Variants in UBE2F observed in about 807,000 individuals in gnomAD.
The protein encoded by UBE2F is ubiquitin conjugating enzyme E2 F (putative), also known as NEDD8-conjugating enzyme UBE2F.
In UBE2F, 5 loss-of-function variants were observed where a neutral mutation model predicts 29.6. That is an observed-to-expected ratio of 0.17 (90% CI 0.09 to 0.36). UBE2F has a LOEUF of 0.36. Among genes scored for constraint, UBE2F ranks in the 10% least tolerant of loss-of-function variants. The pLI is 1.00. For missense variants in UBE2F, 141 were observed against 228.5 expected (o/e 0.62, Z 2.47); for synonymous variants, 66 against 81.8 (o/e 0.81, Z 1.04).
intron 5 of UBE2F, among the ~76,000 whole-genome samples, chr2:238,024,538 C>G (rs553585644): frequency 2.6e-5 from 4 of 152,012 alleles, no homozygotes; most frequent in African/African-American, 9.7e-5. Flanking sequence ...GAGACAGGGT[C>G]TTACTATATT....
At chr2:237,977,504 A>G (rs1576590534) in intron 2 of UBE2F, among the ~76,000 whole-genome samples, 1 of 152,320 alleles carries the variant, frequency 6.6e-6, no homozygotes, top group South Asian at 2.1e-4. Flanking sequence ...GTGGCTGTAC[A>G]CACAAAGTGC....
In UBE2F at chr2:238,030,701, C is replaced by T. The variant is rs994285888; in HGVS notation, c.411+88C>T. 6 of 967,554 alleles carry T rather than the reference C, an allele frequency of 6.2e-6. No individual in the cohort carries two copies. In the Admixed American group the frequency reaches 9.6e-5, roughly 15 times the overall value. The allele number at this position is 967,554 out of a possible 1,614,324, so 59.9% of individuals were successfully genotyped here. On this transcript the variant is annotated intron_variant, in intron 7 of 9. Coordinates refer to ENST00000272930, the MANE Select transcript of UBE2F (RefSeq NM_080678.3). The stretch of plus-strand genomic sequence containing the variant: ...AGCCTCCCGAGAAAGCAGCACATGT[C>T]CTTGCCTGTCACATCCACACCAGTG...
At chr2:238,033,436 C>T (rs997542371) in intron 8 of UBE2F, among the ~76,000 whole-genome samples, 1 of 152,162 alleles carries the variant, frequency 6.6e-6, no homozygotes, top group African/African-American at 2.4e-5. Flanking sequence ...CCTAAGGTGC[C>T]TCTATGATCT....
intron 8 of UBE2F, among the ~76,000 whole-genome samples, chr2:238,033,289 G>C (rs1444646388): frequency 6.6e-6 from 1 of 152,224 alleles, no homozygotes; most frequent in Non-Finnish European, 1.5e-5. Flanking sequence ...TCAGCCAAAA[G>C]CTGTTGGTTG....
intron 3 of UBE2F, among the ~76,000 whole-genome samples, chr2:237,988,871 G>A (rs1232862336): frequency 6.6e-6 from 1 of 152,198 alleles, no homozygotes; most frequent in Non-Finnish European, 1.5e-5. Context: ...GCTGCTGTCA[G>A]TGGGAGTCCA....
In UBE2F at chr2:238,041,670, C is replaced by T. The variant is rs555690401; in HGVS notation, c.*332C>T. 1.2e-3 allele frequency: 264 copies of T among 211,222 alleles called. 3 individuals are homozygous for T. Among genetic ancestry groups the T allele is most frequent in the Non-Finnish European group, 1.1e-4 (12 of 105,356 alleles). 13.1% of individuals were successfully genotyped at this position (211,222 alleles called of 1,614,324 possible). A position where few individuals can be genotyped will look rare whatever the true frequency, so the allele number is the denominator to read the frequency against. ...AACTCAAAATTGAGGCCAGAGCTTG[C>T]TTTCCCTTTTCCCAAACAAAATTGG... On this transcript the variant is annotated 3_prime_UTR_variant, in exon 10 of 10. Transcript: ENST00000272930.
intron 1 of UBE2F, among the ~76,000 whole-genome samples, chr2:237,972,541 A>ATT (rs57914670): frequency 6.4e-5 from 8 of 124,254 alleles, no homozygotes; most frequent in Admixed American, 2.7e-4. Flanking sequence ...TTAATTTTAA[A>ATT]TTTTTTTTTT....
At chr2:238,032,619 G>A (rs2064608457) in intron 8 of UBE2F, 1 of 190,030 alleles carries the variant, frequency 5.3e-6, no homozygotes, top group Non-Finnish European at 1.1e-5. Context: ...TCAAAAAACA[G>A]ATACACACAA....
chr2:238,039,159 C>T (rs983521598), intron 9 of UBE2F, among the ~76,000 whole-genome samples: 1 of 152,162 alleles, frequency 6.6e-6, no homozygotes. Flanking sequence ...CACTTGAACC[C>T]AGGAGGCGGA....
intron 4 of UBE2F, among the ~76,000 whole-genome samples, chr2:238,008,717 T>C (rs978286866): frequency 6.6e-6 from 1 of 152,248 alleles, no homozygotes; most frequent in Non-Finnish European, 1.5e-5. Flanking sequence ...CTTTTTCTGA[T>C]GTTTAAGATG....
intron 3 of UBE2F, chr2:237,990,403 CTTTTT>C: frequency 2.4e-6 from 1 of 422,964 alleles, no homozygotes; most frequent in East Asian, 7.6e-5. Flanking sequence ...ACATGTAAAC[CTTTTT>C]TTTTTTTTTT....
At chr2:237,992,860 G>A (rs1230132662) in intron 3 of UBE2F, among the ~76,000 whole-genome samples, 3 of 152,042 alleles carry the variant, frequency 2.0e-5, no homozygotes, top group Non-Finnish European at 4.4e-5. Flanking sequence ...GTCAAACTAA[G>A]CAAATACTTT....
intron 2 of UBE2F, among the ~76,000 whole-genome samples, chr2:237,986,686 CATGTATGGTATAAG>C (rs1284114370): frequency 6.6e-6 from 1 of 152,112 alleles, no homozygotes; most frequent in Non-Finnish European, 1.5e-5. Flanking sequence ...GTTGATTTTT[CATGTATGGTATAAG>C]ATAAGAAGCC....
chr2:238,040,701 G>A lies in UBE2F; in HGVS notation c.508-587G>A, dbSNP rs189105391. On this transcript the variant is annotated intron_variant, in intron 9 of 9. Coordinates refer to ENST00000272930, the MANE Select transcript of UBE2F (RefSeq NM_080678.3). This position sits in a 1 kb window ranked among gnomAD's most constrained non-coding sequence, Gnocchi z 4.4. Reference sequence around the variant, plus strand: ...CATACTGGCCTGGGGTGATTCCTAGGTCCACACCGCCTTTGGTCACTGTCC... The same window carrying A: ...CATACTGGCCTGGGGTGATTCCTAGATCCACACCGCCTTTGGTCACTGTCC... Among the ~76,000 whole-genome samples, 142 of 152,200 alleles carry A rather than the reference G, an allele frequency of 9.3e-4. No individual in the cohort carries two copies. The Middle Eastern group carries it at 0.014, about 15-fold the overall frequency.
At chr2:238,039,384 G>A (rs1399484861) in intron 9 of UBE2F, among the ~76,000 whole-genome samples, 1 of 152,264 alleles carries the variant, frequency 6.6e-6, no homozygotes, top group Admixed American at 6.5e-5. Flanking sequence ...CCTGAGGCAG[G>A]AATGTGCTGT....
rs2064395627 is a variant in UBE2F, at chr2:238,025,278, T to C, written c.283-64T>C. The stretch of plus-strand genomic sequence containing the variant: ...CTAGATAGGGGATGTGGTAAGGCTC[T>C]GGCCTGGAGATGTGATTTGCAGAGA... On this transcript the variant is annotated intron_variant, in intron 5 of 9. Coordinates refer to ENST00000272930, the MANE Select transcript of UBE2F (RefSeq NM_080678.3). The C allele has an allele frequency of 1.4e-6, 2 of 1,417,482 alleles. 1 individual carries two copies. 87.8% of individuals were successfully genotyped at this position (1,417,482 alleles called of 1,614,324 possible). A position where few individuals can be genotyped will look rare whatever the true frequency, so the allele number is the denominator to read the frequency against.
At chr2:238,024,687 T>C (rs540070837) in intron 5 of UBE2F, among the ~76,000 whole-genome samples, 2 of 152,298 alleles carry the variant, frequency 1.3e-5, no homozygotes, top group East Asian at 3.9e-4. Flanking sequence ...TGAGCCACCA[T>C]GCCCAAACTA....
intron 4 of UBE2F, among the ~76,000 whole-genome samples, chr2:237,996,872 C>G (rs2063702706): frequency 6.6e-6 from 1 of 152,098 alleles, no homozygotes; most frequent in Non-Finnish European, 1.5e-5. Flanking sequence ...TAGAATTGTC[C>G]TTGAAAATGG....
chr2:237,980,333 G>A (rs754239373), intron 2 of UBE2F, among the ~76,000 whole-genome samples: 33 of 152,228 alleles, frequency 2.2e-4, no homozygotes, highest in Non-Finnish European at 3.8e-4. Flanking sequence ...ATAGGCATGT[G>A]TTTCCCTTCT....
Sources: allele counts gnomAD v4.1 joint callset (sites outside exome capture counted in the v4.1 genomes callset), GRCh38; gene constraint gnomAD v4.1.1; non-coding constraint Gnocchi (gnomAD v3.1); transcripts MANE v1.5; gene names NCBI Gene and HGNC (gene_info 2026-07-23, HGNC 2026-07-21).